The following B3GALT1 variants were observed in gnomAD, a reference collection of about 807,000 sequenced individuals.
The protein encoded by B3GALT1 is beta-1,3-galactosyltransferase 1, also known as UDP-Gal:betaGlcNAc beta 1,3-galactosyltransferase, polypeptide 1.
B3GALT1 carries 10 observed loss-of-function variants against 23.2 expected under a neutral mutation model. The ratio of observed to expected loss-of-function variants is 0.43; its 90% CI spans 0.27 to 0.73. The LOEUF is 0.73. B3GALT1 is among the 30% of genes least tolerant of loss of function. B3GALT1 has a pLI of 0.21. For synonymous variants in B3GALT1, 156 were observed against 141.5 expected, an observed-to-expected ratio of 1.10 and a Z score of -0.73; for missense variants, 299 against 405.4, an observed-to-expected ratio of 0.74 and a Z score of 2.25.
intron 3 of B3GALT1, among the ~76,000 whole-genome samples, chr2:167,751,134 A>G (rs978130396): frequency 6.6e-5 from 10 of 152,212 alleles, no homozygotes; most frequent in Non-Finnish European, 1.3e-4. Flanking sequence ...TGGCTTGTGC[A>G]TCATGGTTTG....
chr2:167,799,286 C>T (rs1336575857), intron 3 of B3GALT1, among the ~76,000 whole-genome samples: 1 of 152,178 alleles, frequency 6.6e-6, no homozygotes, highest in South Asian at 2.1e-4. Context: ...GTGCTCCCAC[C>T]GTCCGAACAG....
chr2:167,734,795 T>C (rs1274352982), intron 3 of B3GALT1, among the ~76,000 whole-genome samples: 1 of 152,194 alleles, frequency 6.6e-6, no homozygotes, highest in African/African-American at 2.4e-5. Context: ...CCAAGTATGT[T>C]GACTTCTGTT....
chr2:167,560,288 A>G (rs1161582798), intron 2 of B3GALT1, among the ~76,000 whole-genome samples: 1 of 152,176 alleles, frequency 6.6e-6, no homozygotes, highest in African/African-American at 2.4e-5. Flanking sequence ...CCTGCCCTCA[A>G]AGAGCTCCTA....
intron 2 of B3GALT1, among the ~76,000 whole-genome samples, chr2:167,499,874 G>T (rs962815898): frequency 8.5e-5 from 13 of 152,116 alleles, no homozygotes; most frequent in Admixed American, 6.6e-4. Context: ...AGAGTATGTG[G>T]CTGGGCTGGA....
intron 2 of B3GALT1, among the ~76,000 whole-genome samples, chr2:167,504,924 A>G (rs1475826798): frequency 2.6e-5 from 4 of 152,202 alleles, no homozygotes; most frequent in Non-Finnish European, 5.9e-5. Flanking sequence ...TCACCTAACA[A>G]TGCATTTCTC....
chr2:167,786,763 C>T (rs992839498), intron 3 of B3GALT1, among the ~76,000 whole-genome samples: 1 of 152,154 alleles, frequency 6.6e-6, no homozygotes, highest in Non-Finnish European at 1.5e-5. Flanking sequence ...TTAATTCTCA[C>T]GTGCAACCCA....
At position 167,742,876 on chromosome 2, in the gene B3GALT1, T is replaced by G. The variant is rs1687596404; in HGVS notation, c.-351-75796T>G. On this transcript the variant is annotated intron_variant, in intron 3 of 4. Transcript: ENST00000392690. ...CTCCTCTAATCTGCTCTTTACTTCC[T>G]GCTCAAAGTAACCTACTATAATGAA... Among the ~76,000 whole-genome samples, 3 of 152,274 alleles carry G rather than the reference T, an allele frequency of 2.0e-5. No individual in the cohort carries two copies. In the South Asian group the frequency reaches 6.2e-4, roughly 32 times the overall value.
Position 167,711,021 on chromosome 2 carries a change from A to G in B3GALT1, c.-352+64055A>G, listed in dbSNP as rs118166357. On this transcript the variant is annotated intron_variant, in intron 3 of 4. Transcript: ENST00000392690. Reference sequence around the variant, plus strand: ...TGCCTCACTCTGCCTACAAGGCCCTATGTAAGATGATCCCTCTCTCCCCAC... The same window carrying G: ...TGCCTCACTCTGCCTACAAGGCCCTGTGTAAGATGATCCCTCTCTCCCCAC... Among the ~76,000 whole-genome samples, 11 of 152,198 alleles carry G rather than the reference A, an allele frequency of 7.2e-5. No individual in the cohort carries two copies. In the East Asian group the frequency reaches 1.9e-3, roughly 27 times the overall value.
chr2:167,750,940 G>C (rs149975066), intron 3 of B3GALT1, among the ~76,000 whole-genome samples: 2 of 152,100 alleles, frequency 1.3e-5, no homozygotes, highest in Non-Finnish European at 2.9e-5. Flanking sequence ...TAACATGGAA[G>C]TAGGCAGCCT....
chr2:167,577,624 T>A (rs891463943), intron 2 of B3GALT1, among the ~76,000 whole-genome samples: 16 of 151,416 alleles, frequency 1.1e-4, no homozygotes, highest in African/African-American at 3.9e-4. Flanking sequence ...ATAATGAATA[T>A]TTTTTTTCCT....
intron 3 of B3GALT1, among the ~76,000 whole-genome samples, chr2:167,722,058 T>C (rs1687244433): frequency 1.3e-5 from 2 of 152,354 alleles, no homozygotes; most frequent in Non-Finnish European, 1.5e-5. Context: ...ATTGCTTTTG[T>C]TGAAGAAATT....
chr2:167,792,903 T>G (rs13019136), intron 3 of B3GALT1, among the ~76,000 whole-genome samples: 5,937 of 148,798 alleles, frequency 0.04, 135 homozygotes, highest in South Asian at 0.09. Context: ...TGGATAGGAT[T>G]GGGGAGATGA....
intron 3 of B3GALT1, among the ~76,000 whole-genome samples, chr2:167,691,166 A>T (rs1165847893): frequency 1.3e-5 from 2 of 151,274 alleles, no homozygotes; most frequent in South Asian, 2.1e-4. Flanking sequence ...AATCCTTATA[A>T]GTAGGTCTAG....
At chr2:167,716,145 A>G in intron 3 of B3GALT1, 3 of 1,383,130 alleles carry the variant, frequency 2.2e-6, no homozygotes, top group Non-Finnish European at 3.0e-6. Context: ...TTGGGTCTGG[A>G]ACCCGAATCC....
In B3GALT1 at chr2:167,560,830, G is replaced by C. The variant is rs546891666; in HGVS notation, c.-410+70553G>C. Among the ~76,000 whole-genome samples, 635 of 152,204 alleles carry C rather than the reference G, an allele frequency of 4.2e-3. 1 individual carries two copies. Among genetic ancestry groups the C allele is most frequent in the South Asian group, 0.014 (65 of 4,814 alleles). On this transcript the variant is annotated intron_variant, in intron 2 of 4. Transcript: ENST00000392690. Reference sequence around the variant, plus strand: ...GCAAGTCCTGGGTGACCTACAAAGAGACTTAGACTCCCACACAATAATAAT... The same window carrying C: ...GCAAGTCCTGGGTGACCTACAAAGACACTTAGACTCCCACACAATAATAAT...
At chr2:167,354,872 TC>T (rs757784849) in intron 1 of B3GALT1, among the ~76,000 whole-genome samples, 2 of 152,168 alleles carry the variant, frequency 1.3e-5, no homozygotes, top group Non-Finnish European at 2.9e-5. Context: ...AACATATTTT[TC>T]ATCTTTATCA....
At chr2:167,549,986 T>C (rs1473064816) in intron 2 of B3GALT1, among the ~76,000 whole-genome samples, 2 of 152,200 alleles carry the variant, frequency 1.3e-5, no homozygotes, top group African/African-American at 2.4e-5. Flanking sequence ...TTAAGGTTTT[T>C]AGTTTTCAGG....
intron 3 of B3GALT1, among the ~76,000 whole-genome samples, chr2:167,730,829 C>A (rs940101607): frequency 6.6e-6 from 1 of 152,148 alleles, no homozygotes; most frequent in Non-Finnish European, 1.5e-5. Flanking sequence ...AAACAAGACA[C>A]AAAATCAGTG....
intron 1 of B3GALT1, among the ~76,000 whole-genome samples, chr2:167,354,347 C>CTT (rs373088288): frequency 7.0e-5 from 8 of 115,026 alleles, no homozygotes; most frequent in South Asian, 3.0e-4. Context: ...GGTAAATCTT[C>CTT]TTTTTTTTTT....
Sources: gnomAD v4.1 joint callset for allele counts (sites outside exome capture counted in the v4.1 genomes callset) on GRCh38, gnomAD v4.1.1 for gene constraint, MANE v1.5 for transcripts, NCBI Gene and HGNC (gene_info 2026-07-23, HGNC 2026-07-21) for gene names.